Variants in COL4A1 observed in about 807,000 individuals in gnomAD.
COL4A1 encodes collagen type IV alpha 1 chain.
In COL4A1, 40 loss-of-function variants were observed where a neutral mutation model predicts 216.6. The ratio of observed to expected loss-of-function variants is 0.18; its 90% CI spans 0.14 to 0.24. COL4A1 has a LOEUF of 0.24. COL4A1 is among the 10% of genes least tolerant of loss of function. The pLI, the probability that COL4A1 is intolerant of heterozygous loss-of-function variation, is 1.00. For synonymous variants in COL4A1, 839 were observed against 810.7 expected, an observed-to-expected ratio of 1.03 and a Z score of -0.59; for missense variants, 1,628 against 2,196.8, an observed-to-expected ratio of 0.74 and a Z score of 5.18.
chr13:110,263,278 G>A (rs917331494), intron 1 of COL4A1, among the ~76,000 whole-genome samples: 1 of 152,126 alleles, frequency 6.6e-6, no homozygotes, highest in Admixed American at 6.6e-5. Context: ...AATCAGGAAC[G>A]GAGGTTCAGA....
rs567124920 is a variant in COL4A1 at position 110,210,163 on chromosome 13, C to T, written c.518G>A (p.Gly173Asp). The T allele has an allele frequency of 5.0e-6, 8 of 1,613,910 alleles. No homozygotes were observed. The highest frequency in any genetic ancestry group is 5.1e-6 in the Non-Finnish European group (6 of 1,180,034). ...TGGGATTCCGGGAAATCCTCTTTCA[C>T]CTTTCAACAGCATCCCGGGCACATG... ...LGHVPGMLLK[G>D]ERGFPGIPGT... Residue 173 changes from glycine (G) to aspartate (D), a missense_variant, in exon 9 of 52, where the codon GGT (glycine) becomes GAT (aspartate). Physicochemically the swap from Gly to Asp is moderately conservative, Grantham distance 94. Transcript: ENST00000375820.
rs1883395580 is a variant in COL4A1, at chr13:110,275,529, C to G, written c.84+31415G>C. 3.3e-5 allele frequency among the ~76,000 whole-genome samples: 5 copies of G among 152,182 alleles called. No homozygotes were observed. The South Asian group carries it at 1.0e-3, about 31-fold the overall frequency. On this transcript the variant is annotated intron_variant, in intron 1 of 51. Transcript: ENST00000375820. ...ATAAAACCAAACACACCACACAATC[C>G]AGCAATCATGCTCCTTGCTATTTAC...
intron 1 of COL4A1, among the ~76,000 whole-genome samples, chr13:110,248,561 G>A (rs751147981): frequency 3.3e-5 from 5 of 151,826 alleles, no homozygotes; most frequent in Admixed American, 6.6e-5. Flanking sequence ...GCGCGACGTC[G>A]GCTCACCGCA....
At chr13:110,220,682 CCTT>C (rs140338595) in intron 2 of COL4A1, among the ~76,000 whole-genome samples, 12,191 of 152,152 alleles carry the variant, frequency 0.08, 637 homozygotes, top group East Asian at 0.28. Context: ...CCACCGTCCT[CCTT>C]CTGACTATCA....
intron 1 of COL4A1, among the ~76,000 whole-genome samples, chr13:110,249,840 AAAAGC>A (rs1365920737): frequency 1.3e-5 from 2 of 152,200 alleles, no homozygotes; most frequent in Non-Finnish European, 2.9e-5. Context: ...ATGATTTCTT[AAAAGC>A]TTACATTTGC....
rs565517312 is a variant in COL4A1 at position 110,186,483 on chromosome 13, G to T, written c.1799C>A (p.Thr600Asn). 6.2e-7 allele frequency: 1 copy of T among 1,613,772 alleles called. No homozygotes were observed. The highest frequency in any genetic ancestry group is 1.1e-5 in the South Asian group (1 of 91,066). ...GVGFPGSRGD[T>N]GPPGPPGYGP... ...ATATCCTGGAGGCCCAGGGGGGCCG[G>T]TGTCACCACGACTGCCTGGGAATCC... is the stretch of plus-strand genomic sequence containing the variant. Residue 600 changes from threonine to asparagine, a missense_variant, in exon 26 of 52, where the codon ACC becomes AAC. By Grantham distance (65) the Thr-to-Asn change is moderately conservative (BLOSUM62 0). Coordinates refer to ENST00000375820, the MANE Select transcript of COL4A1 (RefSeq NM_001845.6).
chr13:110,291,134 C>T (rs1344802328), intron 1 of COL4A1, among the ~76,000 whole-genome samples: 1 of 152,240 alleles, frequency 6.6e-6, no homozygotes. Context: ...GGGGCTTCCC[C>T]TCCTGACCTT....
intron 20 of COL4A1, among the ~76,000 whole-genome samples, chr13:110,200,630 T>C (rs374154582): frequency 2.0e-5 from 3 of 152,042 alleles, no homozygotes; most frequent in Non-Finnish European, 2.9e-5. Context: ...AGGAGAGACA[T>C]AAGGGTGTAC....
intron 16 of COL4A1, 39 bp from the exon 17 acceptor site, chr13:110,205,445 G>C (rs891347800): frequency 1.2e-6 from 2 of 1,614,056 alleles, no homozygotes; most frequent in Non-Finnish European, 1.7e-6. Context: ...TCAGAGGCCA[G>C]TGGTAGGAAC....
Position 110,186,518 on chromosome 13 carries a change from A to C in COL4A1, c.1764T>G (p.Pro588=). The change falls in exon 26 of 52, where the codon CCT becomes CCG. Residue 588 remains proline (P), a synonymous_variant. Transcript: ENST00000375820. ...SVGLKGERGP[P]GGVGFPGSRG... Reference sequence around the variant, plus strand: ...GACTGCCTGGGAATCCAACTCCTCCAGGGGGGCCACGCTCTCCTTTCAATC... The same window carrying C: ...GACTGCCTGGGAATCCAACTCCTCCCGGGGGGCCACGCTCTCCTTTCAATC... 6.2e-7 allele frequency: 1 copy of C among 1,613,980 alleles called. No homozygotes were observed. The highest frequency in any genetic ancestry group is 1.1e-5 in the South Asian group (1 of 91,074).
Position 110,208,959 on chromosome 13 carries a change from CA to C in COL4A1, c.652-70del. ...TCGTTCAAAGTCATTCTACAAACCT[CA>C]CACAAAATGCAATAAGATGGTAGAT... On this transcript the variant is annotated intron_variant, in intron 11 of 51. Coordinates refer to ENST00000375820, the MANE Select transcript of COL4A1 (RefSeq NM_001845.6). 3 of 1,462,630 alleles carry C rather than the reference CA, an allele frequency of 2.1e-6. No homozygotes were observed. The Admixed American group carries it at 5.0e-5, about 24-fold the overall frequency. The allele number at this position is 1,462,630 out of a possible 1,614,324, so 90.6% of individuals were successfully genotyped here.
intron 43 of COL4A1, 94 bp from the exon 44 acceptor site, chr13:110,167,324 A>C (rs1041669329): frequency 1.1e-6 from 1 of 928,004 alleles, no homozygotes; most frequent in East Asian, 2.4e-5. Context: ...ACAGCCCCTC[A>C]ATGTTCTGGA....
chr13:110,269,995 T>C (rs1883187569), intron 1 of COL4A1, among the ~76,000 whole-genome samples: 1 of 152,092 alleles, frequency 6.6e-6, no homozygotes, highest in Non-Finnish European at 1.5e-5. Flanking sequence ...TGAAACCAGA[T>C]CTGGTAACGG....
At chr13:110,209,616 AC>A (rs1317137057) in intron 10 of COL4A1, among the ~76,000 whole-genome samples, 189 bp from the exon 11 acceptor site, 1 of 152,058 alleles carries the variant, frequency 6.6e-6, no homozygotes, top group Non-Finnish European at 1.5e-5. Flanking sequence ...CCATACCAAT[AC>A]CAATCCATCT....
Position 110,213,817 on chromosome 13 carries a change from C to G in COL4A1, c.244G>C (p.Gly82Arg). Reference protein sequence around the residue: ...QGPPGQKGDTGEPGLPGTKGT... With the variant: ...QGPPGQKGDTREPGLPGTKGT... The stretch of plus-strand genomic sequence containing the variant: ...TTTGTTCCAGGTAGTCCTGGTTCTC[C>G]AGTATCACCCTGGAACAGAATAGAA... The change falls in exon 4 of 52, where the codon GGA becomes CGA. Residue 82 changes from glycine to arginine, a missense_variant. Physicochemically the swap from Gly to Arg is moderately radical, Grantham distance 125. Coordinates refer to ENST00000375820, the MANE Select transcript of COL4A1 (RefSeq NM_001845.6). 6.2e-7 allele frequency: 1 copy of G among 1,614,142 alleles called. No homozygotes were observed. Among genetic ancestry groups the G allele is most frequent in the Non-Finnish European group, 8.5e-7 (1 of 1,179,998 alleles).
rs1332002484 is a variant in COL4A1, at chr13:110,155,282, C to G, written c.4755+1G>C. Reference sequence around the variant, plus strand: ...AATATGGCGTCTCCCCAGACACTTACCATCACAAAAGAGTAGCCGATCCAC... The same window carrying G: ...AATATGGCGTCTCCCCAGACACTTAGCATCACAAAAGAGTAGCCGATCCAC... On this transcript the variant is annotated splice_donor_variant, in intron 50 of 51. Coordinates refer to ENST00000375820, the MANE Select transcript of COL4A1 (RefSeq NM_001845.6). LOFTEE classifies it high-confidence loss of function. 1 of 1,610,040 alleles carries G rather than the reference C, an allele frequency of 6.2e-7. No individual in the cohort carries two copies. Among genetic ancestry groups the G allele is most frequent in the East Asian group, 2.2e-5 (1 of 44,872 alleles).
intron 2 of COL4A1, among the ~76,000 whole-genome samples, chr13:110,231,634 G>A (rs370611437): frequency 1.3e-5 from 2 of 152,166 alleles, no homozygotes; most frequent in South Asian, 4.1e-4. Flanking sequence ...CAGGCTCCAG[G>A]ACTGCCGCTG....
chr13:110,274,626 T>G (rs1200089707), intron 1 of COL4A1, among the ~76,000 whole-genome samples: 1 of 152,116 alleles, frequency 6.6e-6, no homozygotes, highest in African/African-American at 2.4e-5. Context: ...TGGAGCTCTC[T>G]CCAACCTCGT....
chr13:110,164,034 G>C, intron 46 of COL4A1, among the ~76,000 whole-genome samples: 1 of 138,494 alleles, frequency 7.2e-6, no homozygotes, highest in Admixed American at 8.2e-5. Flanking sequence ...TGTCACCCAG[G>C]CTGGAGTGCA....
Sources: allele counts gnomAD v4.1 joint callset (sites outside exome capture counted in the v4.1 genomes callset), GRCh38; gene constraint gnomAD v4.1.1; transcripts MANE v1.5; gene names NCBI Gene and HGNC (gene_info 2026-07-23, HGNC 2026-07-21).